GRID2: variants seen among roughly 807,000 people sequenced by gnomAD.
GRID2 encodes the protein glutamate ionotropic receptor delta type subunit 2.
GRID2 carries 33 observed loss-of-function variants against 114.8 expected under a neutral mutation model. The ratio of observed to expected loss-of-function variants is 0.29; its 90% CI spans 0.22 to 0.38. The LOEUF is 0.38. Ranked by LOEUF, GRID2 falls within the 10% of genes least tolerant of loss-of-function variation. The pLI, the probability that GRID2 is intolerant of heterozygous loss-of-function variation, is 1.00. For synonymous variants in GRID2, 505 were observed against 449.9 expected (o/e 1.12, Z -1.55); for missense variants, 1,184 against 1,257.7 (o/e 0.94, Z 0.89).
intron 2 of GRID2, among the ~76,000 whole-genome samples, chr4:92,774,746 C>A (rs1235762775): frequency 6.6e-6 from 1 of 151,830 alleles, no homozygotes; most frequent in African/African-American, 2.4e-5. Flanking sequence ...CAGGCTCACA[C>A]CACCATGCAA....
chr4:93,591,941 T>C (rs951315481), intron 13 of GRID2, among the ~76,000 whole-genome samples: 10 of 152,082 alleles, frequency 6.6e-5, no homozygotes, highest in African/African-American at 1.7e-4. Flanking sequence ...TTTGATTCTT[T>C]TCTCTTTTTT....
At chr4:92,632,163 TTA>T (rs1730839704) in intron 2 of GRID2, among the ~76,000 whole-genome samples, 1 of 152,156 alleles carries the variant, frequency 6.6e-6, no homozygotes, top group Admixed American at 6.5e-5. Context: ...GCCTTAAAAT[TTA>T]TATCTTTTAG....
intron 8 of GRID2, among the ~76,000 whole-genome samples, chr4:93,314,327 A>AAAG (rs1259359236): frequency 5.4e-4 from 71 of 130,516 alleles, no homozygotes; most frequent in African/African-American, 1.7e-3. Flanking sequence ...AAAAAAAAAA[A>AAAG]AAGAAGAAGA....
chr4:92,715,193 C>T (rs1250182420), intron 2 of GRID2, among the ~76,000 whole-genome samples: 3 of 152,192 alleles, frequency 2.0e-5, no homozygotes, highest in East Asian at 1.9e-4. Flanking sequence ...GGGCAAAATG[C>T]CATCAGTCTG....
At chr4:93,699,621 C>T (rs1727334424) in intron 14 of GRID2, among the ~76,000 whole-genome samples, 2 of 152,048 alleles carry the variant, frequency 1.3e-5, no homozygotes, top group Non-Finnish European at 2.9e-5. Flanking sequence ...CCAGGTTTTT[C>T]TAAGCCAAAA....
At chr4:93,172,891 T>A (rs1264322574) in intron 4 of GRID2, among the ~76,000 whole-genome samples, 2 of 152,008 alleles carry the variant, frequency 1.3e-5, no homozygotes, top group East Asian at 3.9e-4. Flanking sequence ...ATTGCATCTT[T>A]AAAAATATCA....
chr4:92,431,889 G>T (rs35049432), intron 1 of GRID2, among the ~76,000 whole-genome samples: 47,755 of 152,150 alleles, frequency 0.31, 7,732 homozygotes, highest in African/African-American at 0.38. Context: ...TTTCCAAATA[G>T]TCAAATAGAA....
chr4:92,336,201 A>G (rs1727156039), intron 1 of GRID2, among the ~76,000 whole-genome samples: 1 of 152,162 alleles, frequency 6.6e-6, no homozygotes, highest in African/African-American at 2.4e-5. Flanking sequence ...AGGACACCAT[A>G]ATCTTCATAT....
At chr4:92,440,670 A>G (rs62312198) in intron 1 of GRID2, among the ~76,000 whole-genome samples, 19,311 of 151,564 alleles carry the variant, frequency 0.13, 1,471 homozygotes, top group South Asian at 0.19. Flanking sequence ...CTATAGCATA[A>G]CCTGCCTTTG....
At chr4:92,578,496 G>T (rs13143519) in intron 1 of GRID2, among the ~76,000 whole-genome samples, 40,595 of 151,480 alleles carry the variant, frequency 0.27, 5,594 homozygotes, top group Middle Eastern at 0.37. Context: ...AGCCTCTCAG[G>T]TCTGGCTGCC....
At chr4:92,676,327 C>A (rs1208963809) in intron 2 of GRID2, among the ~76,000 whole-genome samples, 2 of 151,760 alleles carry the variant, frequency 1.3e-5, no homozygotes, top group Non-Finnish European at 2.9e-5. Context: ...CTACAGGTGC[C>A]CACCACAACG....
At chr4:93,755,875 T>G (rs889260667) in intron 14 of GRID2, among the ~76,000 whole-genome samples, 2 of 152,186 alleles carry the variant, frequency 1.3e-5, no homozygotes, top group African/African-American at 4.8e-5. Flanking sequence ...GTAGTTTAAA[T>G]CTCTCTTGCT....
At position 93,000,450 on chromosome 4, in the gene GRID2, C is replaced by CTT. The variant is rs1755472979; in HGVS notation, c.245-84542_245-84541dup. Reference sequence around the variant, plus strand: ...TGCCCTCTTGCCCTTTCTGGCAGAACTTTTATTTTACTAGAAGAAAAATCT... The same window carrying CTT: ...TGCCCTCTTGCCCTTTCTGGCAGAACTTTTTTATTTTACTAGAAGAAAAATCT... On this transcript the variant is annotated intron_variant, in intron 2 of 15. Coordinates refer to ENST00000282020, the MANE Select transcript of GRID2 (RefSeq NM_001510.4). Among the ~76,000 whole-genome samples the CTT allele has an allele frequency of 1.3e-5, 2 of 151,498 alleles. 1 individual carries two copies. The highest frequency in any genetic ancestry group is 4.1e-4 in the South Asian group (2 of 4,830).
At chr4:92,654,673 AT>A (rs149899874) in intron 2 of GRID2, among the ~76,000 whole-genome samples, 6 of 151,678 alleles carry the variant, frequency 4.0e-5, no homozygotes, top group Admixed American at 3.3e-4. Flanking sequence ...AATGTTAAGC[AT>A]TTTTTTCATA....
At chr4:92,730,228 T>A (rs572554560) in intron 2 of GRID2, among the ~76,000 whole-genome samples, 1 of 152,056 alleles carries the variant, frequency 6.6e-6, no homozygotes, top group East Asian at 1.9e-4. Context: ...TACCCCATAT[T>A]GTCTATTGAT....
chr4:93,388,994 G>A (rs951242890), intron 8 of GRID2, among the ~76,000 whole-genome samples: 21 of 152,184 alleles, frequency 1.4e-4, no homozygotes, highest in African/African-American at 5.1e-4. Flanking sequence ...AGATTGCTGA[G>A]CTTGAGATTT....
intron 2 of GRID2, among the ~76,000 whole-genome samples, chr4:92,674,330 C>T (rs1316198976): frequency 1.3e-5 from 2 of 151,648 alleles, no homozygotes; most frequent in Non-Finnish European, 2.9e-5. Flanking sequence ...TTATTTTTTT[C>T]CTTTCTATAC....
intron 10 of GRID2, among the ~76,000 whole-genome samples, chr4:93,439,566 A>G (rs1377778893): frequency 1.3e-5 from 2 of 152,136 alleles, no homozygotes; most frequent in Admixed American, 6.6e-5. Context: ...TTTAGGAAAC[A>G]TAGGTATTTC....
intron 2 of GRID2, among the ~76,000 whole-genome samples, chr4:92,778,244 T>C (rs1343186121): frequency 6.6e-6 from 1 of 152,166 alleles, no homozygotes; most frequent in Non-Finnish European, 1.5e-5. Context: ...TGTTTTTTTT[T>C]AAATCGACAA....
Sources: allele counts gnomAD v4.1 joint callset (sites outside exome capture counted in the v4.1 genomes callset), GRCh38; gene constraint gnomAD v4.1.1; transcripts MANE v1.5; gene names NCBI Gene and HGNC (gene_info 2026-07-23, HGNC 2026-07-21).